Variants in LRRIQ4 observed in about 807,000 individuals in gnomAD.
The protein encoded by LRRIQ4 is leucine rich repeats and IQ motif containing 4.
A neutral mutation model predicts 40.1 loss-of-function variants in LRRIQ4; 21 were observed. The observed-to-expected ratio is 0.52, with a 90% CI of 0.37 to 0.75. The LOEUF (loss-of-function observed/expected upper bound fraction) is 0.75. Ranked by LOEUF, LRRIQ4 falls within the 30% of genes least tolerant of loss-of-function variation. The probability of loss-of-function intolerance (pLI) is 0.00; values close to 1 mark genes in which losing one functional copy is unlikely to be tolerated. For missense variants in LRRIQ4, 655 were observed against 660.0 expected, an observed-to-expected ratio of 0.99 and a Z score of 0.08; for synonymous variants, 277 against 277.1, an observed-to-expected ratio of 1.00 and a Z score of 0.00.
chr3:169,827,675 G>A (rs941021826), intron 2 of LRRIQ4, among the ~76,000 whole-genome samples: 4 of 150,192 alleles, frequency 2.7e-5, no homozygotes, highest in Non-Finnish European at 5.9e-5. Flanking sequence ...GAAAGAAACC[G>A]ATAGACGGAC....
chr3:169,822,980 C>A, intron 2 of LRRIQ4, 39 bp downstream of exon 2: 1 of 1,466,820 alleles, frequency 6.8e-7, no homozygotes, highest in Non-Finnish European at 9.0e-7. Flanking sequence ...TGCTCTCATC[C>A]AGGGTCCTTC....
chr3:169,825,198 G>C (rs1780016481), intron 2 of LRRIQ4, among the ~76,000 whole-genome samples: 1 of 151,948 alleles, frequency 6.6e-6, no homozygotes, highest in Non-Finnish European at 1.5e-5. Flanking sequence ...AGTAGAGGCA[G>C]GGTTTCACCA....
chr3:169,832,862 C>T lies in LRRIQ4; in HGVS notation c.1334-125C>T, dbSNP rs149193015. On this transcript the variant is annotated intron_variant, in intron 4 of 5. Coordinates refer to ENST00000340806, the MANE Select transcript of LRRIQ4 (RefSeq NM_001080460.3). The stretch of plus-strand genomic sequence containing the variant: ...AGAAAAAGTTTTGTCGGGTCTTGTG[C>T]ATCCTTCCTCTCATTCCCTTTGCAA... 5.2e-6 allele frequency: 4 copies of T among 774,462 alleles called. No individual in the cohort carries two copies. The East Asian group carries it at 8.1e-5, about 16-fold the overall frequency. 48.0% of individuals were successfully genotyped at this position (774,462 alleles called of 1,614,324 possible).
chr3:169,828,874 T>A lies in LRRIQ4; in HGVS notation c.1136T>A (p.Ile379Asn), dbSNP rs768629714. The change falls in exon 3 of 6, where the codon ATT (isoleucine) becomes AAT (asparagine). Residue 379 changes from isoleucine to asparagine, a missense_variant. Physicochemically the swap from Ile to Asn is moderately radical, Grantham distance 149. Transcript: ENST00000340806. ...TTAGCGTCTTTAGAGAAATTATACA[T>A]TGGGCAAGACCAGGGATTCAAACTT... ...LSLASLEKLY[I>N]GQDQGFKLTY... 1 of 1,613,938 alleles carries A rather than the reference T, an allele frequency of 6.2e-7. No homozygotes were observed. Among genetic ancestry groups the A allele is most frequent in the Admixed American group, 1.7e-5 (1 of 59,998 alleles).
chr3:169,832,847 TTGTCGGGTCTTG>T, intron 4 of LRRIQ4, 128 bp from the exon 5 acceptor site: 1 of 675,854 alleles, frequency 1.5e-6, no homozygotes, highest in Non-Finnish European at 2.5e-6. Flanking sequence ...AGAAAAAGTT[TTGTCGGGTCTTG>T]TGCATCCTTC....
At chr3:169,827,641 T>G (rs1369164409) in intron 2 of LRRIQ4, among the ~76,000 whole-genome samples, 1 of 149,970 alleles carries the variant, frequency 6.7e-6, no homozygotes, top group Admixed American at 6.6e-5. Flanking sequence ...GAGATTTTTT[T>G]CCCATGTGGT....
chr3:169,828,654 G>A (rs773225364), intron 2 of LRRIQ4, 105 bp from the exon 3 acceptor site: 21 of 967,700 alleles, frequency 2.2e-5, no homozygotes, highest in Non-Finnish European at 3.3e-5. Flanking sequence ...GAGAGGCTAA[G>A]TTACTCCACT....
At chr3:169,814,372 C>T (rs1307818457) in intron 1 of LRRIQ4, among the ~76,000 whole-genome samples, 1 of 152,204 alleles carries the variant, frequency 6.6e-6, no homozygotes, top group African/African-American at 2.4e-5. Context: ...TCGGTGTGCT[C>T]TTCTGCTCCT....
In LRRIQ4 at chr3:169,821,917, CA is replaced by C; in HGVS notation, c.-3del. ...TTTTGAATATTTGAGCTTTTCTTCA[CA>C]ATAATGTCAAAAGACATAAAATCAG... On this transcript the variant is annotated 5_prime_UTR_variant, in exon 2 of 6. Coordinates refer to ENST00000340806, the MANE Select transcript of LRRIQ4 (RefSeq NM_001080460.3). 1 of 1,425,862 alleles carries C rather than the reference CA, an allele frequency of 7.0e-7. No individual in the cohort carries two copies. The highest frequency in any genetic ancestry group is 9.2e-7 in the Non-Finnish European group (1 of 1,085,682). The allele number at this position is 1,425,862 out of a possible 1,614,324, so 88.3% of individuals were successfully genotyped here. A position where few individuals can be genotyped will look rare whatever the true frequency, so the allele number is the denominator to read the frequency against.
At chr3:169,816,212 C>T (rs986703730) in intron 1 of LRRIQ4, among the ~76,000 whole-genome samples, 2 of 152,132 alleles carry the variant, frequency 1.3e-5, no homozygotes, top group Non-Finnish European at 2.9e-5. Context: ...CTCTATTTTT[C>T]AGAACAGCTT....
At chr3:169,829,764 G>C (rs2108180836) in intron 3 of LRRIQ4, among the ~76,000 whole-genome samples, 1 of 152,320 alleles carries the variant, frequency 6.6e-6, no homozygotes, top group Admixed American at 6.5e-5. Flanking sequence ...GCCTCCCAAA[G>C]TGCCGGGATT....
intron 3 of LRRIQ4, 94 bp from the exon 4 acceptor site, chr3:169,830,377 GAAAAAAAAAAAAAAAAAAAAA>G: frequency 5.8e-5 from 6 of 103,994 alleles, no homozygotes; most frequent in African/African-American, 3.1e-4. Context: ...CACTGAAAGT[GAAAAAAAAAAAAAAAAAAAAA>G]AAAAAAAAAA....
intron 5 of LRRIQ4, among the ~76,000 whole-genome samples, chr3:169,836,656 A>G (rs1780309715): frequency 6.6e-6 from 1 of 152,206 alleles, no homozygotes; most frequent in African/African-American, 2.4e-5. Flanking sequence ...TTAGGACTTC[A>G]GCATATGAAT....
chr3:169,826,621 AAAAAG>A (rs1780046695), intron 2 of LRRIQ4, among the ~76,000 whole-genome samples: 1 of 152,194 alleles, frequency 6.6e-6, no homozygotes, highest in African/African-American at 2.4e-5. Context: ...ATGTGCTTTG[AAAAAG>A]AAAAGCTAAG....
At chr3:169,820,075 A>G (rs1176815158) in intron 1 of LRRIQ4, among the ~76,000 whole-genome samples, 4 of 152,216 alleles carry the variant, frequency 2.6e-5, no homozygotes, top group Admixed American at 6.5e-5. Flanking sequence ...GAATAGCAGT[A>G]TTATGTATGG....
chr3:169,829,605 G>A (rs1319182878), intron 3 of LRRIQ4, among the ~76,000 whole-genome samples: 2 of 151,658 alleles, frequency 1.3e-5, no homozygotes, highest in Non-Finnish European at 2.9e-5. Context: ...GGGTTCAAGC[G>A]ATTCTCCTGC....
chr3:169,828,614 C>T lies in LRRIQ4; in HGVS notation c.1021-145C>T. On this transcript the variant is annotated intron_variant, in intron 2 of 5. Transcript: ENST00000340806. ...ATCTACAAGTATAAATACTGTAATG[C>T]AGATATGTGCACAAATTTTTCACTA... The T allele has an allele frequency of 4.7e-6, 3 of 640,278 alleles. No homozygotes were observed. In the South Asian group the frequency reaches 5.9e-5, roughly 13 times the overall value. 39.7% of individuals were successfully genotyped at this position (640,278 alleles called of 1,614,324 possible). A position where few individuals can be genotyped will look rare whatever the true frequency, so the allele number is the denominator to read the frequency against.
At chr3:169,829,080 T>C (rs1211091256) in intron 3 of LRRIQ4, 148 bp downstream of exon 3, 37 of 718,764 alleles carry the variant, frequency 5.1e-5, no homozygotes, top group Non-Finnish European at 7.0e-5. Context: ...ATTTTTACAT[T>C]TTGAGGTTTC....
At position 169,831,261 on chromosome 3, in the gene LRRIQ4, CTTTTTTT is replaced by C. The variant is rs869088396; in HGVS notation, c.1333+655_1333+661del. On this transcript the variant is annotated intron_variant, in intron 4 of 5. Transcript: ENST00000340806. ...CACATGTTTTCAAACTATGGCTATTCTTTTTTTTTTTTTTTTTTTTTTTTTTTTTTAA... is the reference window on the plus strand; with the variant it reads ...CACATGTTTTCAAACTATGGCTATTCTTTTTTTTTTTTTTTTTTTTTTTAA... Among the ~76,000 whole-genome samples, 6 of 33,464 alleles carry C rather than the reference CTTTTTTT, an allele frequency of 1.8e-4. No individual in the cohort carries two copies. The East Asian group carries it at 4.2e-3, about 23-fold the overall frequency. 22.0% of individuals were successfully genotyped at this position (33,464 alleles called of 152,430 possible). A position where few individuals can be genotyped will look rare whatever the true frequency, so the allele number is the denominator to read the frequency against.
Sources: gnomAD v4.1 joint callset for allele counts (sites outside exome capture counted in the v4.1 genomes callset) on GRCh38, gnomAD v4.1.1 for gene constraint, MANE v1.5 for transcripts, NCBI Gene and HGNC (gene_info 2026-07-23, HGNC 2026-07-21) for gene names.